The following PSMG2 variants were observed in gnomAD, a reference collection of about 807,000 sequenced individuals.
PSMG2 encodes the protein proteasome assembly chaperone 2, also known as CD40 ligand-activated specific transcript 3.
Under a neutral mutation model 31.5 loss-of-function variants are expected in PSMG2, and 21 were observed. That is an observed-to-expected ratio of 0.67 (90% CI 0.47 to 0.96). The LOEUF (loss-of-function observed/expected upper bound fraction) is 0.96, where lower values mean the gene tolerates loss of function less well. Ranked by LOEUF, PSMG2 falls within the 40% of genes least tolerant of loss-of-function variation. The pLI is 0.00. For synonymous variants in PSMG2, 120 were observed against 110.4 expected (o/e 1.09, Z -0.54); for missense variants, 318 against 321.2 (o/e 0.99, Z 0.08).
At chr18:12,714,845 C>T (rs1441823701) in intron 3 of PSMG2, among the ~76,000 whole-genome samples, 3 of 151,310 alleles carry the variant, frequency 2.0e-5, no homozygotes, top group Non-Finnish European at 4.4e-5. Context: ...AGCTGGATTA[C>T]GAACGTGTGC....
intron 1 of PSMG2, among the ~76,000 whole-genome samples, chr18:12,672,145 C>T (rs2038964613): frequency 7.0e-6 from 1 of 142,046 alleles, no homozygotes; most frequent in South Asian, 2.2e-4. Flanking sequence ...GATGCAGTCT[C>T]GCTCTGCCTC....
chr18:12,689,419 C>T (rs936149435), intron 1 of PSMG2, among the ~76,000 whole-genome samples: 1 of 152,170 alleles, frequency 6.6e-6, no homozygotes, highest in African/African-American at 2.4e-5. Context: ...GACTGAGTTG[C>T]TGTTTGGCCT....
At chr18:12,698,744 T>C (rs2145105715), upstream of PSMG2, 1 of 527,238 alleles carries the variant, frequency 1.9e-6, no homozygotes, top group East Asian at 3.1e-5. Context: ...TAAGTGTGTA[T>C]TACTAAAGAA....
At chr18:12,662,326 ATAT>A (rs1430059006) in intron 1 of PSMG2, among the ~76,000 whole-genome samples, 7 of 152,264 alleles carry the variant, frequency 4.6e-5, no homozygotes, top group Non-Finnish European at 7.3e-5. Context: ...GAAGGGTCAG[ATAT>A]TATTATTCCT....
intron 1 of PSMG2, chr18:12,674,513 T>C (rs947214717): frequency 1.3e-6 from 2 of 1,577,394 alleles, no homozygotes; most frequent in Non-Finnish European, 1.7e-6. Flanking sequence ...ACTGAAAAAA[T>C]GATTCCGTAA....
At chr18:12,720,434 G>T in intron 4 of PSMG2, 76 bp from the exon 5 acceptor site, 1 of 1,248,654 alleles carries the variant, frequency 8.0e-7, no homozygotes, top group South Asian at 1.7e-5. Context: ...AATATATGGA[G>T]ACCAAGAGAA....
At chr18:12,659,289 A>C (rs1468879546) in intron 1 of PSMG2, among the ~76,000 whole-genome samples, 1 of 152,184 alleles carries the variant, frequency 6.6e-6, no homozygotes, top group Non-Finnish European at 1.5e-5. Context: ...AAATAACAAC[A>C]GTCTATTAAA....
intron 1 of PSMG2, chr18:12,661,436 G>A: frequency 1.4e-6 from 1 of 716,468 alleles, no homozygotes; most frequent in Non-Finnish European, 1.7e-6. Flanking sequence ...GCACCCCTGT[G>A]GAATAACAGC....
intron 1 of PSMG2, chr18:12,661,380 C>G (rs2038693058): frequency 1.0e-6 from 1 of 983,818 alleles, no homozygotes; most frequent in Non-Finnish European, 1.2e-6. Context: ...TGACTGCTGA[C>G]CACTCAAAGG....
intron 2 of PSMG2, among the ~76,000 whole-genome samples, chr18:12,707,189 A>C (rs2040277441): frequency 6.6e-6 from 1 of 152,034 alleles, no homozygotes; most frequent in Non-Finnish European, 1.5e-5. Flanking sequence ...CAATATTCTG[A>C]CTTCGTGATC....
chr18:12,681,942 G>C (rs2039364367), intron 1 of PSMG2, among the ~76,000 whole-genome samples: 2 of 151,678 alleles, frequency 1.3e-5, no homozygotes, highest in Admixed American at 1.3e-4. Context: ...ATTGCAGTGA[G>C]CTGAGATCGT....
upstream of PSMG2, chr18:12,700,985 ATCG>A: frequency 6.2e-7 from 1 of 1,612,352 alleles, no homozygotes; most frequent in Non-Finnish European, 8.5e-7. Context: ...CTTTCATCAC[ATCG>A]TCAATGATTC....
upstream of PSMG2, chr18:12,701,034 GAT>G: frequency 6.2e-7 from 1 of 1,613,774 alleles, no homozygotes. Context: ...ATCTTCTGTT[GAT>G]AAATGCTGTT....
intron 1 of PSMG2, among the ~76,000 whole-genome samples, chr18:12,677,902 T>A (rs1353975794): frequency 6.6e-6 from 1 of 152,210 alleles, no homozygotes; most frequent in East Asian, 1.9e-4. Flanking sequence ...AGTAATTCAT[T>A]CTATAAGTAT....
intron 1 of PSMG2, chr18:12,686,771 G>C: frequency 5.3e-6 from 1 of 189,794 alleles, no homozygotes; most frequent in Non-Finnish European, 1.1e-5. Flanking sequence ...GTAGGGGAGG[G>C]AGAGGTGCTC....
rs1469791854 is a variant in PSMG2, at chr18:12,691,527, ATC to A, written c.-36-15021_-36-15020del. On this transcript the variant is annotated intron_variant, in intron 1 of 6. Coordinates refer to the PSMG2 transcript ENST00000585331. ...AAATATTTTTCAATTTCTATTCATT[ATC>A]TTTAATTACTACAAAATATGTAGCA... The A allele has an allele frequency of 4.8e-6, 7 of 1,446,904 alleles. No individual in the cohort carries two copies. The South Asian group carries it at 8.6e-5, about 18-fold the overall frequency. The allele number at this position is 1,446,904 out of a possible 1,614,324, so 89.6% of individuals were successfully genotyped here.
chr18:12,723,922 GTGTC>G (rs1284489879), intron 5 of PSMG2, among the ~76,000 whole-genome samples: 1 of 152,142 alleles, frequency 6.6e-6, no homozygotes, highest in African/African-American at 2.4e-5. Flanking sequence ...CTGAATCCTG[GTGTC>G]TGTCTTTGTT....
intron 2 of PSMG2, among the ~76,000 whole-genome samples, chr18:12,708,275 T>TAATA (rs1338677646): frequency 6.6e-6 from 1 of 151,934 alleles, no homozygotes; most frequent in Non-Finnish European, 1.5e-5. Context: ...GACCCTGTCT[T>TAATA]AAAAAACAAA....
chr18:12,667,848 CTTTTTTT>C (rs36019439), intron 1 of PSMG2, among the ~76,000 whole-genome samples: 2 of 116,712 alleles, frequency 1.7e-5, no homozygotes, highest in East Asian at 2.3e-4. Context: ...CTTTCTGATC[CTTTTTTT>C]TTTTTTTTTT....
Sources: allele counts gnomAD v4.1 joint callset (sites outside exome capture counted in the v4.1 genomes callset), GRCh38; gene constraint gnomAD v4.1.1; transcripts MANE v1.5; gene names NCBI Gene and HGNC (gene_info 2026-07-23, HGNC 2026-07-21).